Variants in WDFY1 observed in about 807,000 individuals in gnomAD.
WDFY1 encodes WD repeat and FYVE domain-containing protein 1.
A neutral mutation model predicts 56.4 loss-of-function variants in WDFY1; 32 were observed. The observed-to-expected ratio is 0.57, with a 90% CI of 0.43 to 0.76. The LOEUF (loss-of-function observed/expected upper bound fraction) is 0.76. Among genes scored for constraint, WDFY1 ranks in the 30% least tolerant of loss-of-function variants. WDFY1 has a pLI of 0.00. For synonymous variants in WDFY1, 192 were observed against 197.3 expected (o/e 0.97, Z 0.23); for missense variants, 480 against 545.7 (o/e 0.88, Z 1.20).
intron 6 of WDFY1, 57 bp downstream of exon 6, chr2:223,898,901 C>A (rs532407658): frequency 1.5e-6 from 2 of 1,336,170 alleles, no homozygotes; most frequent in Non-Finnish European, 1.1e-6. Context: ...TAGTAGAGAA[C>A]TGAATTTGGA....
intron 6 of WDFY1, among the ~76,000 whole-genome samples, chr2:223,898,230 A>G (rs1693433299): frequency 6.6e-6 from 1 of 152,130 alleles, no homozygotes. Context: ...ATGTTTCCCA[A>G]GCAGAGGCTG....
chr2:223,926,494 G>A (rs535140378), intron 1 of WDFY1, among the ~76,000 whole-genome samples: 1 of 152,202 alleles, frequency 6.6e-6, no homozygotes, highest in East Asian at 1.9e-4. Context: ...ATGAGCTACA[G>A]AATGAGTGTT....
intron 2 of WDFY1, among the ~76,000 whole-genome samples, chr2:223,915,328 A>G (rs1009751471): frequency 4.6e-5 from 7 of 152,252 alleles, no homozygotes; most frequent in African/African-American, 1.7e-4. Flanking sequence ...AGGAGGGGAC[A>G]GTTAAGCCAA....
intron 5 of WDFY1, among the ~76,000 whole-genome samples, chr2:223,899,619 G>A (rs632560): frequency 0.93 from 141,625 of 152,164 alleles, 65,982 homozygotes; most frequent in South Asian, 0.96. Context: ...GGTGGCACAC[G>A]CCTGTAATCC....
In WDFY1 at chr2:223,902,090, G is replaced by C. The variant is rs536719846; in HGVS notation, c.335-757C>G. Among the ~76,000 whole-genome samples the C allele has an allele frequency of 7.9e-4, 121 of 152,268 alleles. 5 individuals carry two copies. In the South Asian group the frequency reaches 0.024, roughly 30 times the overall value. ...ATCCAGTCTGATGAATGAAGTCAAA[G>C]GCCTGACAGAGAAACTGCTGACCTT... On this transcript the variant is annotated intron_variant, in intron 4 of 11. Transcript: ENST00000233055.
In WDFY1 at chr2:223,901,300, C is replaced by G. The variant is rs368119786; in HGVS notation, c.368G>C (p.Ser123Thr). 242 of 1,614,010 alleles carry G rather than the reference C, an allele frequency of 1.5e-4. 1 individual carries two copies. The highest frequency in any genetic ancestry group is 1.9e-4 in the Non-Finnish European group (219 of 1,180,044). ...ACTGATCACCCACTCTGTGGCCAAG[C>G]TGAAGATAATCGCAGACACCCGGTT... ...HQNRVSAIIF[S>T]LATEWVISTG... The change falls in exon 5 of 12, where the codon AGC (serine) becomes ACC (threonine). Residue 123 changes from serine to threonine, a missense_variant. Ser to Thr is a moderately conservative substitution (Grantham distance 58, BLOSUM62 1). Transcript: ENST00000233055.
intron 1 of WDFY1, among the ~76,000 whole-genome samples, chr2:223,934,234 G>A (rs1272827655): frequency 2.6e-5 from 4 of 151,582 alleles, no homozygotes; most frequent in Admixed American, 2.0e-4. Context: ...GACTACAGGC[G>A]CACAACACCT....
intron 1 of WDFY1, among the ~76,000 whole-genome samples, chr2:223,923,298 T>C (rs1246500241): frequency 6.6e-6 from 1 of 152,246 alleles, no homozygotes; most frequent in Non-Finnish European, 1.5e-5. Context: ...TTTTGTATTA[T>C]GTCCAGAATA....
chr2:223,927,657 T>C (rs973138665), intron 1 of WDFY1, among the ~76,000 whole-genome samples: 1 of 152,230 alleles, frequency 6.6e-6, no homozygotes, highest in East Asian at 1.9e-4. Flanking sequence ...CTTATTCATG[T>C]TTTCACTAGA....
At chr2:223,903,641 GT>G (rs1553536484) in intron 4 of WDFY1, among the ~76,000 whole-genome samples, 11 of 32,602 alleles carry the variant, frequency 3.4e-4, no homozygotes, top group South Asian at 1.2e-3. Flanking sequence ...ACACACACAC[GT>G]TTTTTGTTTT....
intron 1 of WDFY1, among the ~76,000 whole-genome samples, chr2:223,934,343 G>C (rs1046314028): frequency 4.6e-5 from 7 of 151,822 alleles, no homozygotes; most frequent in Non-Finnish European, 1.0e-4. Context: ...CACCCACCTC[G>C]GCCCCGCAAA....
intron 3 of WDFY1, 42 bp from the exon 4 acceptor site, chr2:223,906,043 GT>G: frequency 6.9e-7 from 1 of 1,445,376 alleles, no homozygotes; most frequent in Non-Finnish European, 9.3e-7. Flanking sequence ...AAGAGTTATG[GT>G]TTTAAAAAAC....
chr2:223,919,629 G>T (rs1667107950), intron 1 of WDFY1, among the ~76,000 whole-genome samples: 1 of 152,144 alleles, frequency 6.6e-6, no homozygotes. Context: ...CCCACCTCAG[G>T]ACCCCAAGGT....
chr2:223,898,903 G>A (rs1693448661), intron 6 of WDFY1, 55 bp downstream of exon 6: 1 of 1,354,128 alleles, frequency 7.4e-7, no homozygotes, highest in Non-Finnish European at 1.1e-6. Flanking sequence ...GTAGAGAACT[G>A]AATTTGGATG....
At chr2:223,898,909 G>T in intron 6 of WDFY1, 49 bp downstream of exon 6, 1 of 1,407,494 alleles carries the variant, frequency 7.1e-7, no homozygotes, top group Non-Finnish European at 1.0e-6. Flanking sequence ...AACTGAATTT[G>T]GATGTCCAAG....
intron 6 of WDFY1, among the ~76,000 whole-genome samples, chr2:223,897,329 CAT>C (rs1397947325): frequency 7.0e-6 from 1 of 142,438 alleles, no homozygotes; most frequent in African/African-American, 2.6e-5. Context: ...ATAGTTTAGA[CAT>C]GTGTCCCCTC....
At chr2:223,938,737 C>T (rs1191368418) in intron 1 of WDFY1, among the ~76,000 whole-genome samples, 4 of 151,860 alleles carry the variant, frequency 2.6e-5, no homozygotes, top group African/African-American at 7.3e-5. Context: ...GAGTGCTGAC[C>T]GTATCTAGCT....
intron 8 of WDFY1, among the ~76,000 whole-genome samples, chr2:223,885,213 C>T (rs894515303): frequency 1.3e-5 from 2 of 151,350 alleles, no homozygotes; most frequent in African/African-American, 4.9e-5. Flanking sequence ...TTTTTTGAGA[C>T]AGGGTCTCAC....
intron 10 of WDFY1, among the ~76,000 whole-genome samples, chr2:223,881,632 C>G (rs647849): frequency 6.6e-6 from 1 of 151,872 alleles, no homozygotes; most frequent in Non-Finnish European, 1.5e-5. Flanking sequence ...TCTACTAAAA[C>G]TACAAAAATT....
Sources: allele counts gnomAD v4.1 joint callset (sites outside exome capture counted in the v4.1 genomes callset), GRCh38; gene constraint gnomAD v4.1.1; transcripts MANE v1.5; gene names NCBI Gene and HGNC (gene_info 2026-07-23, HGNC 2026-07-21).